CCDC149: variants seen among roughly 807,000 people sequenced by gnomAD.
CCDC149 encodes the protein coiled-coil domain containing 149.
CCDC149 carries 45 observed loss-of-function variants against 59.9 expected under a neutral mutation model. The ratio of observed to expected loss-of-function variants is 0.75; its 90% confidence interval spans 0.59 to 0.96. The LOEUF is 0.96. Among genes scored for constraint, CCDC149 ranks in the 40% least tolerant of loss-of-function variants. The pLI is 0.00. For synonymous variants in CCDC149, 245 were observed against 260.6 expected (o/e 0.94, Z 0.58); for missense variants, 584 against 664.7 (o/e 0.88, Z 1.33).
chr4:24,879,391 C>T (rs967227994), intron 1 of CCDC149, among the ~76,000 whole-genome samples: 1 of 152,138 alleles, frequency 6.6e-6, no homozygotes, highest in East Asian at 1.9e-4. Flanking sequence ...GTGGCATGTG[C>T]CTGTAGTCCC....
chr4:24,920,283 A>T (rs1308165921), intron 1 of CCDC149, among the ~76,000 whole-genome samples: 1 of 152,226 alleles, frequency 6.6e-6, no homozygotes, highest in Admixed American at 6.5e-5. Context: ...GCTCAACTAC[A>T]CTGGACATCC....
intron 9 of CCDC149, among the ~76,000 whole-genome samples, chr4:24,826,472 A>T (rs1216280500): frequency 2.6e-5 from 4 of 152,156 alleles, no homozygotes; most frequent in Non-Finnish European, 5.9e-5. Context: ...GATGAGCTTG[A>T]GATGCCTGTG....
At chr4:24,854,830 G>T (rs1406164359) in intron 3 of CCDC149, among the ~76,000 whole-genome samples, 1 of 152,036 alleles carries the variant, frequency 6.6e-6, no homozygotes, top group Non-Finnish European at 1.5e-5. Context: ...CAGTGCCAGG[G>T]CCCTATTCTC....
chr4:24,845,544 G>T (rs1047283888), intron 4 of CCDC149, among the ~76,000 whole-genome samples: 1 of 152,154 alleles, frequency 6.6e-6, no homozygotes, highest in Non-Finnish European at 1.5e-5. Flanking sequence ...ACACAATACC[G>T]ACTGTACCAG....
chr4:24,884,852 G>A (rs981360456), intron 1 of CCDC149, among the ~76,000 whole-genome samples: 5 of 152,226 alleles, frequency 3.3e-5, no homozygotes, highest in Admixed American at 2.6e-4. Flanking sequence ...ATGGAGGAGA[G>A]AGTGACACAG....
At chr4:24,935,333 G>GT (rs1722706895) in intron 1 of CCDC149, among the ~76,000 whole-genome samples, 4 of 152,266 alleles carry the variant, frequency 2.6e-5, no homozygotes, top group Admixed American at 2.6e-4. Flanking sequence ...CAAATTTGGG[G>GT]TAAGGGGTAG....
At chr4:24,935,704 T>C (rs1057428882) in intron 1 of CCDC149, among the ~76,000 whole-genome samples, 1 of 152,112 alleles carries the variant, frequency 6.6e-6, no homozygotes, top group African/African-American at 2.4e-5. Context: ...CCCAGAACTG[T>C]GAGAAATAAA....
intron 1 of CCDC149, among the ~76,000 whole-genome samples, chr4:24,883,151 G>A (rs1719948984): frequency 6.6e-6 from 1 of 151,186 alleles, no homozygotes. Context: ...CCATGACAGT[G>A]TTTTCCAAAT....
At chr4:24,924,806 A>C (rs374058828) in intron 1 of CCDC149, among the ~76,000 whole-genome samples, 6 of 152,232 alleles carry the variant, frequency 3.9e-5, no homozygotes, top group East Asian at 1.9e-4. Flanking sequence ...AAACTTGTCC[A>C]GATGCCACCT....
chr4:24,917,210 C>G (rs1722152697), upstream of CCDC149, among the ~76,000 whole-genome samples: 1 of 152,220 alleles, frequency 6.6e-6, no homozygotes, highest in South Asian at 2.1e-4. Flanking sequence ...GCTCCCAGGT[C>G]CTCTCACGGC....
chr4:24,821,117 T>C, intron 10 of CCDC149, 30 bp from the exon 11 acceptor site: 1 of 1,215,460 alleles, frequency 8.2e-7, no homozygotes, highest in Non-Finnish European at 1.0e-6. Flanking sequence ...AAAAAGGAAA[T>C]AATTGTTATT....
chr4:24,804,199 A>G (rs991003059), downstream of CCDC149, among the ~76,000 whole-genome samples: 1 of 152,128 alleles, frequency 6.6e-6, no homozygotes, highest in Non-Finnish European at 1.5e-5. Flanking sequence ...TTTCAAAAAG[A>G]AGGAGGGTAC....
At chr4:24,817,590 T>A (rs1715098070) in intron 12 of CCDC149, among the ~76,000 whole-genome samples, 2 of 151,916 alleles carry the variant, frequency 1.3e-5, no homozygotes, top group Non-Finnish European at 2.9e-5. Flanking sequence ...CTATTATGAG[T>A]GATTTAAAGC....
At chr4:24,828,096 A>G (rs567299463) in intron 9 of CCDC149, 2 of 152,286 alleles carry the variant, frequency 1.3e-5, no homozygotes, top group African/African-American at 4.8e-5. Flanking sequence ...ATGCCCCCAA[A>G]TAAAACATTT....
At position 24,966,034 on chromosome 4, in the gene CCDC149, G is replaced by A. The variant is rs369041136; in HGVS notation, c.-65+14035C>T. 5.9e-5 allele frequency among the ~76,000 whole-genome samples: 9 copies of A among 152,228 alleles called. No individual in the cohort carries two copies. In the South Asian group the frequency reaches 6.2e-4, roughly 11 times the overall value. Reference sequence around the variant, plus strand: ...GTAAAGCCATGTCAAAACTGTCTACGATTCCTCAAGTGTTTTTCCAGCTAC... The same window carrying A: ...GTAAAGCCATGTCAAAACTGTCTACAATTCCTCAAGTGTTTTTCCAGCTAC... On this transcript the variant is annotated intron_variant, in intron 1 of 12. Transcript: ENST00000389609.
rs1277843731 is a variant in CCDC149, at chr4:24,819,920, C to T, written c.1131G>A (p.Ser377=). 3.5e-5 allele frequency: 55 copies of T among 1,551,488 alleles called. No homozygotes were observed. The highest frequency in any genetic ancestry group is 4.6e-5 in the Non-Finnish European group (53 of 1,146,970). The change falls in exon 12 of 13, where the codon TCG becomes TCA. Residue 377 remains serine, a synonymous_variant. Coordinates refer to ENST00000635206, the MANE Select transcript of CCDC149 (RefSeq NM_001330643.2). ...CGACAAACTTCAGCAGTGGGGATCT[C>T]GACCTCTGTCCACTAGGAAGAGTGG...
chr4:24,866,060 G>A (rs1207169713), intron 3 of CCDC149, among the ~76,000 whole-genome samples: 4 of 152,150 alleles, frequency 2.6e-5, no homozygotes, highest in Non-Finnish European at 5.9e-5. Context: ...CAACAAACCA[G>A]GACATATATA....
chr4:24,832,538 C>T (rs1227939859), intron 8 of CCDC149, among the ~76,000 whole-genome samples: 1 of 152,226 alleles, frequency 6.6e-6, no homozygotes, highest in Non-Finnish European at 1.5e-5. Flanking sequence ...GAGAGACCTG[C>T]CCCTTGTGCA....
At chr4:24,826,337 T>C (rs565771667) in intron 9 of CCDC149, among the ~76,000 whole-genome samples, 1 of 151,020 alleles carries the variant, frequency 6.6e-6, no homozygotes, top group African/African-American at 2.4e-5. Flanking sequence ...GAGAATGGAG[T>C]GGAAGGAGTG....
Sources: gnomAD v4.1 joint callset for allele counts (sites outside exome capture counted in the v4.1 genomes callset) on GRCh38, gnomAD v4.1.1 for gene constraint, MANE v1.5 for transcripts, NCBI Gene and HGNC (gene_info 2026-07-23, HGNC 2026-07-21) for gene names.